THSD7B: variants seen among roughly 807,000 people sequenced by gnomAD.
THSD7B encodes the protein thrombospondin type-1 domain-containing protein 7B.
THSD7B carries 138 observed loss-of-function variants against 213.6 expected under a neutral mutation model. That is an observed-to-expected ratio of 0.65 (90% CI 0.56 to 0.74). The LOEUF (loss-of-function observed/expected upper bound fraction) is 0.74. THSD7B is among the 30% of genes least tolerant of loss of function. The probability of loss-of-function intolerance (pLI) is 0.00; values close to 1 mark genes in which losing one functional copy is unlikely to be tolerated. For missense variants in THSD7B, 1,931 were observed against 1,991.5 expected (o/e 0.97, Z 0.58); for synonymous variants, 742 against 687.0 (o/e 1.08, Z -1.25).
chr2:137,448,594 G>A (rs1459155751), intron 14 of THSD7B, among the ~76,000 whole-genome samples: 1 of 152,006 alleles, frequency 6.6e-6, no homozygotes, highest in Non-Finnish European at 1.5e-5. Flanking sequence ...CAGATCACGA[G>A]GTCAGGAGAT....
At chr2:137,170,584 C>T (rs1052350346) in intron 6 of THSD7B, among the ~76,000 whole-genome samples, 157 bp from the exon 7 acceptor site, 1 of 152,058 alleles carries the variant, frequency 6.6e-6, no homozygotes, top group Non-Finnish European at 1.5e-5. Context: ...TTCTACATCT[C>T]ATCCTCTCAC....
At chr2:137,554,781 G>A (rs1010640786) in intron 15 of THSD7B, among the ~76,000 whole-genome samples, 2 of 152,170 alleles carry the variant, frequency 1.3e-5, no homozygotes, top group Non-Finnish European at 2.9e-5. Context: ...CAAGGGGTCA[G>A]GGAATTCCCT....
chr2:137,058,767 G>A (rs1187670100), intron 3 of THSD7B, among the ~76,000 whole-genome samples: 1 of 152,112 alleles, frequency 6.6e-6, no homozygotes, highest in Non-Finnish European at 1.5e-5. Context: ...TCATAGATGG[G>A]ATTAGTGCGC....
In THSD7B at chr2:137,362,560, CA is replaced by C. The variant is rs1192123893; in HGVS notation, c.2501-43044del. Among the ~76,000 whole-genome samples, 33 of 148,262 alleles carry C rather than the reference CA, an allele frequency of 2.2e-4. 1 individual carries two copies. The highest frequency in any genetic ancestry group is 6.1e-4 in the Admixed American group (9 of 14,860). On this transcript the variant is annotated intron_variant, in intron 12 of 27. Coordinates refer to ENST00000409968, the MANE Select transcript of THSD7B (RefSeq NM_001316349.2). Reference sequence around the variant, plus strand: ...GAAGATCTGCCAAGCAAATGGAAAGCAAAAAAAAAGCAGGGGTTGCAATCCT... The same window carrying C: ...GAAGATCTGCCAAGCAAATGGAAAGCAAAAAAAAGCAGGGGTTGCAATCCT...
In THSD7B at chr2:137,489,440, G is replaced by GA. The variant is rs966493451; in HGVS notation, c.3138+38427dup. 1.9e-4 allele frequency among the ~76,000 whole-genome samples: 28 copies of GA among 148,444 alleles called. No homozygotes were observed. In the South Asian group the frequency reaches 3.0e-3, roughly 16 times the overall value. On this transcript the variant is annotated intron_variant, in intron 15 of 27. Transcript: ENST00000409968. ...CATCTCAAAAAAAAAAGAAAAAAAAGAAAAAAAAAATTAGCCTACCCAATC... is the reference window on the plus strand; with the variant it reads ...CATCTCAAAAAAAAAAGAAAAAAAAGAAAAAAAAAAATTAGCCTACCCAATC...
At position 137,287,454 on chromosome 2, in the gene THSD7B, T is replaced by C. The variant is rs544913487; in HGVS notation, c.2500+11428T>C. 2.6e-5 allele frequency among the ~76,000 whole-genome samples: 4 copies of C among 152,244 alleles called. No homozygotes were observed. The South Asian group carries it at 8.4e-4, about 32-fold the overall frequency. On this transcript the variant is annotated intron_variant, in intron 12 of 27. Coordinates refer to ENST00000409968, the MANE Select transcript of THSD7B (RefSeq NM_001316349.2). ...ACGTGAATAATGATTCTGTGAGGTA[T>C]TTTTCATTTTCTTTGCATGTTTTGG...
At chr2:137,250,676 A>T (rs569809420) in intron 10 of THSD7B, among the ~76,000 whole-genome samples, 27 of 152,336 alleles carry the variant, frequency 1.8e-4, no homozygotes, top group African/African-American at 6.5e-4. Flanking sequence ...AAACATACAG[A>T]AATCTCTCCA....
intron 12 of THSD7B, among the ~76,000 whole-genome samples, chr2:137,404,244 G>T (rs1162649179): frequency 6.6e-6 from 1 of 151,260 alleles, no homozygotes; most frequent in Non-Finnish European, 1.5e-5. Context: ...AAGCTGTAAA[G>T]AACTAAAAGT....
intron 1 of THSD7B, among the ~76,000 whole-genome samples, chr2:136,822,591 C>G (rs957351545): frequency 3.9e-5 from 6 of 152,192 alleles, no homozygotes; most frequent in African/African-American, 1.4e-4. Flanking sequence ...TTACATTATA[C>G]AGCAGGGTTT....
intron 7 of THSD7B, among the ~76,000 whole-genome samples, chr2:137,219,882 C>T (rs939940965): frequency 6.6e-6 from 1 of 152,146 alleles, no homozygotes; most frequent in Non-Finnish European, 1.5e-5. Flanking sequence ...TTCATTGCAT[C>T]ATACAGGTTG....
intron 21 of THSD7B, 98 bp downstream of exon 21, chr2:137,642,731 C>G (rs1474072504): frequency 1.4e-6 from 2 of 1,392,096 alleles, no homozygotes; most frequent in East Asian, 4.7e-5. Flanking sequence ...TTCACAGCAC[C>G]AGGGGTCTGG....
At chr2:137,588,246 G>T (rs990773596) in intron 17 of THSD7B, among the ~76,000 whole-genome samples, 6 of 152,156 alleles carry the variant, frequency 3.9e-5, no homozygotes, top group Non-Finnish European at 5.9e-5. Flanking sequence ...GATTCCCTTG[G>T]CTAGGAAAGG....
intron 15 of THSD7B, among the ~76,000 whole-genome samples, chr2:137,475,944 G>A (rs1220166077): frequency 6.6e-6 from 1 of 152,056 alleles, no homozygotes; most frequent in Non-Finnish European, 1.5e-5. Flanking sequence ...CTGTCTAGAA[G>A]AGATCCCTTT....
intron 2 of THSD7B, among the ~76,000 whole-genome samples, chr2:137,015,477 T>C (rs1160808797): frequency 6.6e-6 from 1 of 152,158 alleles, no homozygotes; most frequent in Admixed American, 6.5e-5. Context: ...AGCTTTCTGC[T>C]GCTCCAGAGT....
chr2:137,668,945 A>G (rs779088872), intron 27 of THSD7B, among the ~76,000 whole-genome samples: 3 of 152,150 alleles, frequency 2.0e-5, no homozygotes, highest in Non-Finnish European at 2.9e-5. Context: ...CAGGGGTGGC[A>G]GAGGCGGAAG....
At chr2:136,903,167 T>TA (rs200984656) in intron 2 of THSD7B, among the ~76,000 whole-genome samples, 7 of 133,752 alleles carry the variant, frequency 5.2e-5, no homozygotes, top group African/African-American at 1.3e-4. Flanking sequence ...GTGTTTTTTT[T>TA]AAAAAAAATA....
intron 4 of THSD7B, among the ~76,000 whole-genome samples, chr2:137,106,738 A>G (rs1262695480): frequency 6.6e-6 from 1 of 152,256 alleles, no homozygotes; most frequent in East Asian, 1.9e-4. Flanking sequence ...AAGGATATGA[A>G]CAGACATTTC....
chr2:137,491,466 A>G (rs1688604412), intron 15 of THSD7B, among the ~76,000 whole-genome samples: 1 of 152,240 alleles, frequency 6.6e-6, no homozygotes, highest in African/African-American at 2.4e-5. Context: ...GAAAACATAT[A>G]TTAAATCAAG....
intron 14 of THSD7B, among the ~76,000 whole-genome samples, chr2:137,420,566 C>G (rs904033788): frequency 1.3e-5 from 2 of 152,170 alleles, no homozygotes; most frequent in Non-Finnish European, 2.9e-5. Context: ...CTAATCCATG[C>G]TGCCACAGAG....
Sources: gnomAD v4.1 joint callset for allele counts (sites outside exome capture counted in the v4.1 genomes callset) on GRCh38, gnomAD v4.1.1 for gene constraint, MANE v1.5 for transcripts, NCBI Gene and HGNC (gene_info 2026-07-23, HGNC 2026-07-21) for gene names.